Variants in CARHSP1 observed in about 807,000 individuals in gnomAD.
The protein encoded by CARHSP1 is calcium regulated heat stable protein 1.
CARHSP1 carries 14 observed loss-of-function variants against 12.5 expected under a neutral mutation model. The observed-to-expected ratio is 1.12, with a 90% CI of 0.74 to 1.75. The LOEUF (loss-of-function observed/expected upper bound fraction) is 1.75. Ranked by LOEUF, CARHSP1 falls within the 40% of genes most tolerant of loss-of-function variation. The pLI, the probability that CARHSP1 is intolerant of heterozygous loss-of-function variation, is 0.00. For synonymous variants in CARHSP1, 161 were observed against 82.0 expected, an observed-to-expected ratio of 1.96 and a Z score of -5.20; for missense variants, 343 against 201.6, an observed-to-expected ratio of 1.70 and a Z score of -4.25.
At chr16:8,864,009 G>A (rs1485324328) in intron 1 of CARHSP1, among the ~76,000 whole-genome samples, 2 of 152,178 alleles carry the variant, frequency 1.3e-5, no homozygotes, top group Non-Finnish European at 2.9e-5. Flanking sequence ...CACAGCTGGG[G>A]GAGGGAGGAA....
intron 1 of CARHSP1, among the ~76,000 whole-genome samples, chr16:8,864,086 A>G (rs254946): frequency 1.3e-5 from 2 of 152,202 alleles, no homozygotes; most frequent in African/African-American, 4.8e-5. Flanking sequence ...AAATGTCACG[A>G]CCAAGGTGTC....
rs1567187143 is a variant in CARHSP1 at position 8,861,199 on chromosome 16, T to TTTTTA, written c.-7-1865_-7-1864insTAAAA. Among the ~76,000 whole-genome samples, 161 of 60,604 alleles carry TTTTTA rather than the reference T, an allele frequency of 2.7e-3. 18 individuals carry two copies. The highest frequency in any genetic ancestry group is 0.01 in the Middle Eastern group (1 of 96). The allele number at this position is 60,604 out of a possible 152,430, so 39.8% of individuals were successfully genotyped here. A position where few individuals can be genotyped will look rare whatever the true frequency, so the allele number is the denominator to read the frequency against. Reference sequence around the variant, plus strand: ...TTTTTTTTTTTTTTTTTTTTTTTTTTATAGAGACAGGGTATCACTATGTTG... The same window carrying TTTTTA: ...TTTTTTTTTTTTTTTTTTTTTTTTTTTTTTAATAGAGACAGGGTATCACTATGTTG... On this transcript the variant is annotated intron_variant, in intron 1 of 3. Coordinates refer to ENST00000311052, the MANE Select transcript of CARHSP1 (RefSeq NM_014316.4).
chr16:8,865,057 T>G (rs1021165210), intron 1 of CARHSP1, among the ~76,000 whole-genome samples: 1 of 152,204 alleles, frequency 6.6e-6, no homozygotes, highest in African/African-American at 2.4e-5. Context: ...GCTTTAGCAG[T>G]GCTATCAGCC....
chr16:8,862,052 G>C (rs2061373336), intron 1 of CARHSP1, among the ~76,000 whole-genome samples: 2 of 136,334 alleles, frequency 1.5e-5, no homozygotes, highest in African/African-American at 5.4e-5. Flanking sequence ...GCCCAGGCTG[G>C]AGTGCAATGG....
chr16:8,858,465 G>A lies in CARHSP1; in HGVS notation c.166C>T (p.Arg56Trp), dbSNP rs773254809. ...RRTRTFSATV[R>W]ASQGPVYKGV... ...TTGTAGACGGGGCCCTGTGAAGCCC[G>A]CACCGTCCTGACAGAGAGGGGGAAA... The change falls in exon 3 of 4, where the codon CGG becomes TGG. Residue 56 changes from arginine to tryptophan, a missense_variant. By Grantham distance (101) the Arg-to-Trp change is moderately radical. Transcript: ENST00000311052. The A allele has an allele frequency of 1.7e-5, 28 of 1,613,432 alleles. No homozygotes were observed. The highest frequency in any genetic ancestry group is 1.7e-4 in the Middle Eastern group (1 of 6,060).
In CARHSP1 at chr16:8,854,907, C is replaced by A. The variant is rs537434567; in HGVS notation, c.*257G>T. 6.2e-6 allele frequency: 2 copies of A among 324,542 alleles called. No homozygotes were observed. The highest frequency in any genetic ancestry group is 2.8e-4 in the South Asian group (2 of 7,132). The allele number at this position is 324,542 out of a possible 1,614,324, so 20.1% of individuals were successfully genotyped here. ...GAACCTCCACTCAGCCACCAGTGGG[C>A]ACCTCTCCTTTTTAAATGCTTTTAA... is the stretch of plus-strand genomic sequence containing the variant. On this transcript the variant is annotated 3_prime_UTR_variant, in exon 4 of 4. Transcript: ENST00000311052.
intron 1 of CARHSP1, among the ~76,000 whole-genome samples, chr16:8,865,874 G>A (rs770790926): frequency 6.6e-6 from 1 of 152,198 alleles, no homozygotes; most frequent in Non-Finnish European, 1.5e-5. Context: ...CTACTTTAAT[G>A]CAGTCAGGAA....
intron 1 of CARHSP1, chr16:8,868,504 C>A (rs1596333062): frequency 6.7e-6 from 1 of 149,854 alleles, no homozygotes; most frequent in Non-Finnish European, 1.5e-5. Context: ...TCCCCACCTC[C>A]CCCGCCGGGC....
At chr16:8,861,423 C>T (rs75831927) in intron 1 of CARHSP1, among the ~76,000 whole-genome samples, 2 of 151,736 alleles carry the variant, frequency 1.3e-5, no homozygotes, top group Non-Finnish European at 2.9e-5. Context: ...TTTGCCCCCC[C>T]AGTCCCCTCA....
chr16:8,868,773 C>G (rs1054806746), intron 1 of CARHSP1, 193 bp downstream of exon 1: 2 of 152,230 alleles, frequency 1.3e-5, no homozygotes, highest in Admixed American at 1.3e-4. Flanking sequence ...CCACCCCTTC[C>G]CCTGGGGAGG....
At chr16:8,856,638 GGA>G (rs3837768) in intron 3 of CARHSP1, among the ~76,000 whole-genome samples, 10,300 of 151,806 alleles carry the variant, frequency 0.068, 577 homozygotes, top group Admixed American at 0.2. Flanking sequence ...GGTGGGCAAA[GGA>G]GGGGTAACTC....
At chr16:8,860,720 C>G (rs960654033) in intron 1 of CARHSP1, among the ~76,000 whole-genome samples, 1 of 152,026 alleles carries the variant, frequency 6.6e-6, no homozygotes, top group East Asian at 1.9e-4. Flanking sequence ...AGCCCTGGAT[C>G]GGTTTGACTC....
At chr16:8,861,673 C>T (rs1332683666) in intron 1 of CARHSP1, 8 of 1,288,994 alleles carry the variant, frequency 6.2e-6, no homozygotes, top group Admixed American at 2.3e-5. Context: ...TACCTCCTGT[C>T]CCTTCTCTCA....
chr16:8,866,273 C>T (rs1424782820), intron 1 of CARHSP1: 1 of 221,150 alleles, frequency 4.5e-6, no homozygotes, highest in South Asian at 1.6e-4. Flanking sequence ...CTAAGGCGCT[C>T]CCAGTGAGGC....
At chr16:8,858,517 G>T in intron 2 of CARHSP1, 45 bp from the exon 3 acceptor site, 2 of 1,602,278 alleles carry the variant, frequency 1.2e-6, no homozygotes, top group Non-Finnish European at 1.7e-6. Context: ...AGCGCTCCTG[G>T]GCACACAAAG....
At chr16:8,861,672 T>C (rs1567187805) in intron 1 of CARHSP1, 15 of 1,289,034 alleles carry the variant, frequency 1.2e-5, no homozygotes, top group Non-Finnish European at 1.5e-5. Flanking sequence ...CTACCTCCTG[T>C]CCCTTCTCTC....
rs1455159327 is a variant in CARHSP1 at position 8,853,613 on chromosome 16, T to G, written c.*1551A>C. ...AGCATCAAACTGGACGTTTACTGTC[T>G]GCCCAAAAGCCAGTTTCCAAAAGGT... On this transcript the variant is annotated 3_prime_UTR_variant, in exon 4 of 4. Transcript: ENST00000311052. 1 of 152,262 alleles carries G rather than the reference T, an allele frequency of 6.6e-6. No homozygotes were observed. Among genetic ancestry groups the G allele is most frequent in the Non-Finnish European group, 1.5e-5 (1 of 68,052 alleles). 9.4% of individuals were successfully genotyped at this position (152,262 alleles called of 1,614,324 possible).
intron 1 of CARHSP1, among the ~76,000 whole-genome samples, chr16:8,865,191 C>T (rs945457679): frequency 1.3e-5 from 2 of 152,172 alleles, no homozygotes; most frequent in Non-Finnish European, 2.9e-5. Flanking sequence ...TCACTGCAGA[C>T]CCCCGCCCCC....
rs866732259 is a variant in CARHSP1, at chr16:8,861,754, G to A, written c.-7-2419C>T. ...CACCTCAAAAAGGCCCCAGCTGCTG[G>A]CCTGGGGGCCAGGGCCCCCGCATGA... is the stretch of plus-strand genomic sequence containing the variant. On this transcript the variant is annotated intron_variant, in intron 1 of 3. Transcript: ENST00000311052. 1.8e-5 allele frequency: 23 copies of A among 1,283,942 alleles called. No individual in the cohort carries two copies. In the Admixed American group the frequency reaches 4.9e-4, roughly 27 times the overall value. 79.5% of individuals were successfully genotyped at this position (1,283,942 alleles called of 1,614,324 possible).
Sources: gnomAD v4.1 joint callset for allele counts (sites outside exome capture counted in the v4.1 genomes callset) on GRCh38, gnomAD v4.1.1 for gene constraint, MANE v1.5 for transcripts, NCBI Gene and HGNC (gene_info 2026-07-23, HGNC 2026-07-21) for gene names.